PAIP2B: variants seen among roughly 807,000 people sequenced by gnomAD.
The protein encoded by PAIP2B is polyadenylate-binding protein-interacting protein 2B.
A neutral mutation model predicts 17.0 loss-of-function variants in PAIP2B; 13 were observed. That is an observed-to-expected ratio of 0.76 (90% CI 0.50 to 1.22). PAIP2B has a LOEUF of 1.22. Among genes scored for constraint, PAIP2B ranks in the 50% most tolerant of loss-of-function variants. The pLI is 0.00. For synonymous variants in PAIP2B, 43 were observed against 48.7 expected (o/e 0.88, Z 0.48); for missense variants, 117 against 144.5 (o/e 0.81, Z 0.98).
intron 2 of PAIP2B, among the ~76,000 whole-genome samples, chr2:71,191,452 TG>T (rs1223254342): frequency 2.0e-5 from 3 of 152,192 alleles, no homozygotes; most frequent in African/African-American, 7.2e-5. Context: ...CCAATGAAAA[TG>T]GTTGCTGGGC....
At chr2:71,214,579 G>T (rs1675380801) in intron 1 of PAIP2B, among the ~76,000 whole-genome samples, 2 of 152,104 alleles carry the variant, frequency 1.3e-5, no homozygotes, top group Non-Finnish European at 2.9e-5. Context: ...TAAAAACCAA[G>T]AATTTTTCAT....
rs1018763610 is a variant in PAIP2B, at chr2:71,185,272, G to A, written c.*3207C>T. 6.6e-6 allele frequency: 1 copy of A among 152,072 alleles called. No homozygotes were observed. The highest frequency in any genetic ancestry group is 2.4e-5 in the African/African-American group (1 of 41,402). 9.4% of individuals were successfully genotyped at this position (152,072 alleles called of 1,614,324 possible). A position where few individuals can be genotyped will look rare whatever the true frequency, so the allele number is the denominator to read the frequency against. On this transcript the variant is annotated 3_prime_UTR_variant, in exon 4 of 4. Coordinates refer to ENST00000244221, the MANE Select transcript of PAIP2B (RefSeq NM_020459.1). ...TATAACCTTAATTAAAGAGACCCCA[G>A]GCTGGGGTGGCTCACCACACCCAGC... is the stretch of plus-strand genomic sequence containing the variant.
At chr2:71,196,087 A>G (rs1436691790) in intron 2 of PAIP2B, among the ~76,000 whole-genome samples, 1 of 151,964 alleles carries the variant, frequency 6.6e-6, no homozygotes, top group Admixed American at 6.6e-5. Flanking sequence ...TGCTTGTCTA[A>G]TTCTTTCAGT....
intron 2 of PAIP2B, 73 bp downstream of exon 2, chr2:71,202,379 A>G: frequency 6.5e-7 from 1 of 1,543,302 alleles, no homozygotes; most frequent in Non-Finnish European, 8.8e-7. Context: ...TTTGTAATAA[A>G]CTGGCAGTAA....
At chr2:71,199,755 G>A (rs1674931741) in intron 2 of PAIP2B, among the ~76,000 whole-genome samples, 1 of 152,136 alleles carries the variant, frequency 6.6e-6, no homozygotes, top group East Asian at 1.9e-4. Context: ...GCCAGGCACT[G>A]TGACACATGC....
intron 1 of PAIP2B, among the ~76,000 whole-genome samples, chr2:71,204,852 G>A (rs1052984931): frequency 1.3e-5 from 2 of 152,174 alleles, no homozygotes; most frequent in African/African-American, 4.8e-5. Flanking sequence ...TTGCTGGGTA[G>A]CAAGATATAC....
rs1407420626 is a variant in PAIP2B, at chr2:71,186,926, A to C, written c.*1553T>G. 6.6e-6 allele frequency: 1 copy of C among 152,224 alleles called. No homozygotes were observed. Among genetic ancestry groups the C allele is most frequent in the African/African-American group, 2.4e-5 (1 of 41,450 alleles). The allele number at this position is 152,224 out of a possible 1,614,324, so 9.4% of individuals were successfully genotyped here. A position where few individuals can be genotyped will look rare whatever the true frequency, so the allele number is the denominator to read the frequency against. Reference sequence around the variant, plus strand: ...TTCAAAAAGTCAACGAGAGCTCATAAGGAGAATTTCTTCAGCTTTCCATAC... The same window carrying C: ...TTCAAAAAGTCAACGAGAGCTCATACGGAGAATTTCTTCAGCTTTCCATAC... On this transcript the variant is annotated 3_prime_UTR_variant, in exon 4 of 4. Transcript: ENST00000244221.
intron 2 of PAIP2B, among the ~76,000 whole-genome samples, chr2:71,197,605 C>T (rs1008019802): frequency 1.3e-5 from 2 of 152,124 alleles, no homozygotes; most frequent in African/African-American, 2.4e-5. Flanking sequence ...TTGTATTAGT[C>T]TGTTTTCACA....
chr2:71,198,902 A>G (rs2103775032), intron 2 of PAIP2B, among the ~76,000 whole-genome samples: 1 of 152,128 alleles, frequency 6.6e-6, no homozygotes, highest in Non-Finnish European at 1.5e-5. Context: ...CTTTACTATG[A>G]TTTTTATTTT....
chr2:71,204,716 C>G (rs1369526983), intron 1 of PAIP2B, among the ~76,000 whole-genome samples: 1 of 151,948 alleles, frequency 6.6e-6, no homozygotes, highest in Non-Finnish European at 1.5e-5. Context: ...GGAAAGAAAC[C>G]AGTTCTTTAT....
rs1019371932 is a variant in PAIP2B, at chr2:71,188,184, G to A, written c.*295C>T. ...CTTATTTTGTTTAAATACACACCGCGGAACACTTCTGATGAAGGGGGGAAA... is the reference window on the plus strand; with the variant it reads ...CTTATTTTGTTTAAATACACACCGCAGAACACTTCTGATGAAGGGGGGAAA... On this transcript the variant is annotated 3_prime_UTR_variant, in exon 4 of 4. Coordinates refer to ENST00000244221, the MANE Select transcript of PAIP2B (RefSeq NM_020459.1). The A allele has an allele frequency of 3.2e-5, 13 of 411,176 alleles. No individual in the cohort carries two copies. Among genetic ancestry groups the A allele is most frequent in the Non-Finnish European group, 4.8e-5 (11 of 229,174 alleles). 25.5% of individuals were successfully genotyped at this position (411,176 alleles called of 1,614,324 possible). A position where few individuals can be genotyped will look rare whatever the true frequency, so the allele number is the denominator to read the frequency against.
rs1455548941 is a variant in PAIP2B at position 71,185,918 on chromosome 2, C to T, written c.*2561G>A. 1 of 152,220 alleles carries T rather than the reference C, an allele frequency of 6.6e-6. No individual in the cohort carries two copies. Among genetic ancestry groups the T allele is most frequent in the African/African-American group, 2.4e-5 (1 of 41,458 alleles). 9.4% of individuals were successfully genotyped at this position (152,220 alleles called of 1,614,324 possible). On this transcript the variant is annotated 3_prime_UTR_variant, in exon 4 of 4. Transcript: ENST00000244221. ...TAATTACAGATCAATCACTAATAAA[C>T]TAACATTGGGACCAGCCAGATTGGC...
intron 1 of PAIP2B, among the ~76,000 whole-genome samples, chr2:71,202,801 A>C (rs1005983247): frequency 6.6e-6 from 1 of 152,154 alleles, no homozygotes. Context: ...CAATTATTTA[A>C]GAGTTAAAAG....
At chr2:71,211,362 A>G (rs1187432417) in intron 1 of PAIP2B, among the ~76,000 whole-genome samples, 1 of 152,154 alleles carries the variant, frequency 6.6e-6, no homozygotes, top group Admixed American at 6.5e-5. Context: ...GTTTTTCCAC[A>G]TCCATACTTT....
chr2:71,217,786 G>C (rs1438350961), intron 1 of PAIP2B, among the ~76,000 whole-genome samples: 1 of 152,124 alleles, frequency 6.6e-6, no homozygotes, highest in African/African-American at 2.4e-5. Context: ...GTAAGCTCTC[G>C]GCTGGGAGCA....
At chr2:71,189,750 C>T (rs1674635280) in intron 3 of PAIP2B, 95 bp downstream of exon 3, 2 of 1,235,730 alleles carry the variant, frequency 1.6e-6, no homozygotes, top group Admixed American at 5.7e-5. Context: ...GGGCTCCAGA[C>T]TTGTTGAGGG....
At chr2:71,197,588 G>A (rs953941206) in intron 2 of PAIP2B, among the ~76,000 whole-genome samples, 1 of 152,084 alleles carries the variant, frequency 6.6e-6, no homozygotes, top group African/African-American at 2.4e-5. Flanking sequence ...TTTCATGGAT[G>A]GTATCCTTGT....
chr2:71,198,347 G>T (rs899929548), intron 2 of PAIP2B, among the ~76,000 whole-genome samples: 1 of 149,524 alleles, frequency 6.7e-6, no homozygotes, highest in Admixed American at 6.7e-5. Context: ...GTGCAGTGGC[G>T]CGATCTCGGC....
intron 2 of PAIP2B, among the ~76,000 whole-genome samples, chr2:71,196,635 G>T (rs1301074468): frequency 6.6e-6 from 1 of 151,886 alleles, no homozygotes; most frequent in East Asian, 1.9e-4. Context: ...ATATTATGTG[G>T]CTGTCTATGT....
Sources: allele counts gnomAD v4.1 joint callset (sites outside exome capture counted in the v4.1 genomes callset), GRCh38; gene constraint gnomAD v4.1.1; transcripts MANE v1.5; gene names NCBI Gene and HGNC (gene_info 2026-07-23, HGNC 2026-07-21).